Variants in PDE2A observed in about 807,000 individuals in gnomAD.
PDE2A encodes cGMP-dependent 3',5'-cyclic phosphodiesterase.
In PDE2A, 53 loss-of-function variants were observed where a neutral mutation model predicts 133.6. The ratio of observed to expected loss-of-function variants is 0.40; its 90% CI spans 0.32 to 0.50. The LOEUF (loss-of-function observed/expected upper bound fraction) is 0.50, where lower values mean the gene tolerates loss of function less well. PDE2A is among the 20% of genes least tolerant of loss of function. PDE2A has a pLI of 0.73. For synonymous variants in PDE2A, 491 were observed against 490.2 expected (o/e 1.00, Z -0.02); for missense variants, 796 against 1,232.4 (o/e 0.65, Z 5.30).
intron 4 of PDE2A, among the ~76,000 whole-genome samples, chr11:72,599,706 G>C (rs1313421313): frequency 1.3e-5 from 2 of 152,214 alleles, no homozygotes; most frequent in Non-Finnish European, 2.9e-5. Context: ...AAAAACCTCG[G>C]GGAGCATTCT....
chr11:72,649,472 A>G (rs953367529), intron 1 of PDE2A: 1 of 152,314 alleles, frequency 6.6e-6, no homozygotes, highest in Middle Eastern at 3.2e-3. Flanking sequence ...TAGGCCAGGC[A>G]CAGAGCACAG....
chr11:72,586,008 G>T (rs1409077158), intron 14 of PDE2A, 62 bp downstream of exon 14: 2 of 956,112 alleles, frequency 2.1e-6, no homozygotes, highest in Non-Finnish European at 3.3e-6. Context: ...CTTCTGAATG[G>T]CTCTCGGGGC....
At chr11:72,630,064 C>T (rs1591100800) in intron 2 of PDE2A, among the ~76,000 whole-genome samples, 1 of 152,114 alleles carries the variant, frequency 6.6e-6, no homozygotes, top group Non-Finnish European at 1.5e-5. Context: ...CTTGTTTGCT[C>T]GTCAAGGCCC....
At position 72,625,595 on chromosome 11, in the gene PDE2A, C is replaced by T. The variant is rs150749729; in HGVS notation, c.144+16659G>A. ...GAGGAGGGGACACCAGGCTGGAGGC[C>T]GGAACCTGGAGGAGACAGGATGGAC... On this transcript the variant is annotated intron_variant, in intron 2 of 30. Coordinates refer to ENST00000334456, the MANE Select transcript of PDE2A (RefSeq NM_002599.5). 4.3e-3 allele frequency among the ~76,000 whole-genome samples: 659 copies of T among 152,222 alleles called. 4 individuals carry two copies. Among genetic ancestry groups the T allele is most frequent in the Non-Finnish European group, 6.7e-3 (455 of 68,020 alleles).
chr11:72,628,028 G>A (rs1858172926), intron 2 of PDE2A, among the ~76,000 whole-genome samples: 3 of 152,246 alleles, frequency 2.0e-5, no homozygotes. Context: ...GGGGATGGGT[G>A]CTGGCAGCTC....
intron 4 of PDE2A, among the ~76,000 whole-genome samples, chr11:72,603,767 C>G (rs1856854675): frequency 6.6e-6 from 1 of 152,158 alleles, no homozygotes; most frequent in Non-Finnish European, 1.5e-5. Flanking sequence ...TTCCCATGCT[C>G]CTTGACGGAG....
chr11:72,599,770 G>A (rs370832929), intron 4 of PDE2A, among the ~76,000 whole-genome samples: 2 of 152,220 alleles, frequency 1.3e-5, no homozygotes, highest in South Asian at 2.1e-4. Flanking sequence ...AGTGCTGAGG[G>A]CTGAGATGAG....
At chr11:72,615,757 G>A (rs1857439374) in intron 2 of PDE2A, among the ~76,000 whole-genome samples, 1 of 152,194 alleles carries the variant, frequency 6.6e-6, no homozygotes, top group African/African-American at 2.4e-5. Flanking sequence ...TGGCATTCTA[G>A]CTATCCTTGT....
chr11:72,583,861 G>T (rs1182691124), intron 19 of PDE2A, among the ~76,000 whole-genome samples: 2 of 151,976 alleles, frequency 1.3e-5, no homozygotes, highest in South Asian at 4.2e-4. Context: ...AGGCCAGAGC[G>T]CCAGTAGGCC....
At chr11:72,656,377 CG>C (rs1012671034) in intron 1 of PDE2A, among the ~76,000 whole-genome samples, 3 of 152,176 alleles carry the variant, frequency 2.0e-5, no homozygotes, top group East Asian at 1.9e-4. Context: ...GTGAGGGGCT[CG>C]GGGGGGCCCT....
At position 72,590,494 on chromosome 11, in the gene PDE2A, C is replaced by A. The variant is rs372481793; in HGVS notation, c.636G>T (p.Gly212=). The A allele has an allele frequency of 1.3e-6, 2 of 1,521,122 alleles. No individual in the cohort carries two copies. The highest frequency in any genetic ancestry group is 1.8e-6 in the Non-Finnish European group (2 of 1,138,754). The allele number at this position is 1,521,122 out of a possible 1,614,324, so 94.2% of individuals were successfully genotyped here. ...CCCCGCCCTTCTGGTCTTCCGCCGT[C>A]CCCTCCGGGGGGTTCTGGACGGCTC... ...APRAVQNPPE[G]TAEDQKGGAA... The change falls in exon 8 of 31, where the codon GGG becomes GGT. Residue 212 remains glycine (G), a synonymous_variant. Coordinates refer to ENST00000334456, the MANE Select transcript of PDE2A (RefSeq NM_002599.5). This position sits in a 1 kb window ranked among gnomAD's most constrained non-coding sequence, Gnocchi z 4.8.
At chr11:72,582,725 C>T (rs1855779320) in intron 20 of PDE2A, among the ~76,000 whole-genome samples, 159 bp from the exon 21 acceptor site, 1 of 152,150 alleles carries the variant, frequency 6.6e-6, no homozygotes, top group Non-Finnish European at 1.5e-5. Flanking sequence ...CACCACCCTC[C>T]CCTCACAGCC....
intron 12 of PDE2A, 35 bp from the exon 13 acceptor site, chr11:72,588,949 G>A: frequency 2.5e-6 from 4 of 1,581,528 alleles, no homozygotes; most frequent in Non-Finnish European, 3.5e-6. Context: ...CAGGGAAGCA[G>A]GGCGCAGTAT....
At chr11:72,655,533 G>C (rs1457470084) in intron 1 of PDE2A, among the ~76,000 whole-genome samples, 2 of 152,028 alleles carry the variant, frequency 1.3e-5, no homozygotes, top group African/African-American at 4.8e-5. Context: ...GCATGTGTGT[G>C]TGTGTGCACA....
intron 2 of PDE2A, among the ~76,000 whole-genome samples, chr11:72,617,060 C>T (rs982738075): frequency 6.6e-6 from 1 of 152,216 alleles, no homozygotes; most frequent in Non-Finnish European, 1.5e-5. Flanking sequence ...TTGGGCCACA[C>T]TAGGACACCT....
chr11:72,583,042 G>T (rs546329864), intron 20 of PDE2A, among the ~76,000 whole-genome samples: 3 of 152,336 alleles, frequency 2.0e-5, no homozygotes, highest in South Asian at 4.1e-4. Flanking sequence ...GTGACCCAGG[G>T]TAGGGAATGG....
intron 17 of PDE2A, 70 bp from the exon 18 acceptor site, chr11:72,584,798 CG>C: frequency 6.2e-7 from 1 of 1,609,760 alleles, no homozygotes; most frequent in East Asian, 2.2e-5. Flanking sequence ...TGTTAAACCT[CG>C]GGCCGCTCCC....
chr11:72,581,849 G>A (rs780346364), intron 22 of PDE2A, 28 bp downstream of exon 22: 8 of 1,607,422 alleles, frequency 5.0e-6, no homozygotes, highest in African/African-American at 1.3e-5. Context: ...GGGAGGCGAA[G>A]ACTGGGGCTG....
intron 2 of PDE2A, among the ~76,000 whole-genome samples, chr11:72,639,802 G>T (rs72962134): frequency 6.6e-6 from 1 of 152,134 alleles, no homozygotes; most frequent in South Asian, 2.1e-4. Context: ...GGGTTGGGGG[G>T]GCATGGAGAA....
Sources: gnomAD v4.1 joint callset for allele counts (sites outside exome capture counted in the v4.1 genomes callset) on GRCh38, gnomAD v4.1.1 for gene constraint, Gnocchi (gnomAD v3.1) non-coding constraint, MANE v1.5 for transcripts, NCBI Gene and HGNC (gene_info 2026-07-23, HGNC 2026-07-21) for gene names.